The following HPSE2 variants were observed in gnomAD, a reference collection of about 807,000 sequenced individuals.
The protein encoded by HPSE2 is inactive heparanase-2.
Under a neutral mutation model 60.5 loss-of-function variants are expected in HPSE2, and 38 were observed. That is an observed-to-expected ratio of 0.63 (90% confidence interval 0.48 to 0.82). The LOEUF (loss-of-function observed/expected upper bound fraction) is 0.82, where lower values mean the gene tolerates loss of function less well. Among genes scored for constraint, HPSE2 ranks in the 40% least tolerant of loss-of-function variants. The probability of loss-of-function intolerance (pLI) is 0.00; values close to 1 mark genes in which losing one functional copy is unlikely to be tolerated. For synonymous variants in HPSE2, 295 were observed against 293.2 expected, an observed-to-expected ratio of 1.01 and a Z score of -0.06; for missense variants, 713 against 740.4, an observed-to-expected ratio of 0.96 and a Z score of 0.43.
At chr10:98,674,061 G>A (rs1311139928) in intron 6 of HPSE2, among the ~76,000 whole-genome samples, 2 of 152,170 alleles carry the variant, frequency 1.3e-5, no homozygotes, top group South Asian at 2.1e-4. Context: ...GATGCTGTTG[G>A]TCTGGACCAC....
intron 9 of HPSE2, among the ~76,000 whole-genome samples, chr10:98,503,149 T>C (rs1368766812): frequency 1.0e-4 from 15 of 147,878 alleles, no homozygotes; most frequent in Admixed American, 1.4e-4. Flanking sequence ...GAGGTGGAGG[T>C]TGCAGTGAGC....
intron 3 of HPSE2, among the ~76,000 whole-genome samples, chr10:99,059,683 G>A (rs1404911378): frequency 6.6e-6 from 1 of 151,746 alleles, no homozygotes; most frequent in African/African-American, 2.4e-5. Context: ...CATTTTCAAA[G>A]AGAAAAACAG....
intron 3 of HPSE2, among the ~76,000 whole-genome samples, chr10:98,876,216 A>G (rs578090681): frequency 1.3e-5 from 2 of 152,098 alleles, no homozygotes; most frequent in Admixed American, 1.3e-4. Flanking sequence ...ATGTTTAAAC[A>G]AAATTTGAGA....
At chr10:99,192,214 A>T (rs1443492094) in intron 2 of HPSE2, among the ~76,000 whole-genome samples, 1 of 152,198 alleles carries the variant, frequency 6.6e-6, no homozygotes, top group Non-Finnish European at 1.5e-5. Flanking sequence ...AACATCCCAA[A>T]CCTAGAAAAG....
intron 9 of HPSE2, among the ~76,000 whole-genome samples, chr10:98,533,195 A>C (rs1943182604): frequency 6.6e-6 from 1 of 152,228 alleles, no homozygotes; most frequent in Non-Finnish European, 1.5e-5. Flanking sequence ...CAGTGTGGGC[A>C]ACAAAGATTT....
At chr10:98,693,981 C>T (rs758953963) in intron 5 of HPSE2, 34 bp from the exon 6 acceptor site, 22 of 1,465,868 alleles carry the variant, frequency 1.5e-5, no homozygotes, top group Non-Finnish European at 2.1e-5. Context: ...GATATTACAA[C>T]TTAGATTAAA....
At chr10:99,197,305 G>T (rs1293274272) in intron 2 of HPSE2, among the ~76,000 whole-genome samples, 1 of 152,112 alleles carries the variant, frequency 6.6e-6, no homozygotes, top group East Asian at 1.9e-4. Flanking sequence ...CCTACTGTTG[G>T]CTAGCACAAC....
chr10:99,048,170 T>A, intron 3 of HPSE2: 1 of 714,766 alleles, frequency 1.4e-6, no homozygotes, highest in Non-Finnish European at 2.5e-6. Flanking sequence ...GATTGCTTGA[T>A]CTCTCGGTAA....
At chr10:98,696,687 CA>C (rs1948229721) in intron 5 of HPSE2, among the ~76,000 whole-genome samples, 1 of 152,210 alleles carries the variant, frequency 6.6e-6, no homozygotes, top group Non-Finnish European at 1.5e-5. Flanking sequence ...GGGTGACCAG[CA>C]CCACAGCTGT....
intron 9 of HPSE2, among the ~76,000 whole-genome samples, chr10:98,537,835 C>A (rs1943335317): frequency 6.6e-6 from 1 of 152,210 alleles, no homozygotes; most frequent in African/African-American, 2.4e-5. Flanking sequence ...CCCCTCCCTG[C>A]GGTGCTGTGC....
intron 3 of HPSE2, among the ~76,000 whole-genome samples, chr10:98,781,306 T>TTTTTTTTTTA (rs66481971): frequency 2.5e-5 from 3 of 120,106 alleles, no homozygotes; most frequent in African/African-American, 9.5e-5. Context: ...TTTTTTTTTT[T>TTTTTTTTTTA]ATTTTTAAAT....
chr10:99,015,397 A>C (rs1957115496), intron 3 of HPSE2, among the ~76,000 whole-genome samples: 1 of 152,222 alleles, frequency 6.6e-6, no homozygotes, highest in African/African-American at 2.4e-5. Flanking sequence ...TATTCACAAC[A>C]GAAAAGACTT....
At chr10:98,940,652 G>A (rs1463997123) in intron 3 of HPSE2, among the ~76,000 whole-genome samples, 1 of 138,644 alleles carries the variant, frequency 7.2e-6, no homozygotes, top group Non-Finnish European at 1.5e-5. Flanking sequence ...TCTACCAGAG[G>A]TACAAGGAGG....
the HPSE2 span, among the ~76,000 whole-genome samples, chr10:99,267,000 C>T: frequency 2.0e-5 from 3 of 152,124 alleles, no homozygotes; most frequent in Admixed American, 6.5e-5. Flanking sequence ...ATCTGAACAG[C>T]GGCCCTTGAG....
intron 3 of HPSE2, among the ~76,000 whole-genome samples, chr10:98,815,531 G>A (rs1173473827): frequency 6.6e-6 from 1 of 152,216 alleles, no homozygotes; most frequent in East Asian, 1.9e-4. Flanking sequence ...AGCACTTGTA[G>A]TTTGGGAGGA....
intron 2 of HPSE2, among the ~76,000 whole-genome samples, chr10:99,146,064 T>C (rs1161496771): frequency 6.6e-6 from 1 of 152,210 alleles, no homozygotes; most frequent in African/African-American, 2.4e-5. Context: ...GTCTCACAGA[T>C]TTTCTGAGAC....
At chr10:98,467,421 G>T (rs911082868) in intron 11 of HPSE2, among the ~76,000 whole-genome samples, 13 of 152,160 alleles carry the variant, frequency 8.5e-5, no homozygotes, top group African/African-American at 1.4e-4. Context: ...GACATGAAAT[G>T]TGCAGGTCTA....
At chr10:98,882,030 G>A (rs1953037908) in intron 3 of HPSE2, among the ~76,000 whole-genome samples, 1 of 152,000 alleles carries the variant, frequency 6.6e-6, no homozygotes, top group South Asian at 2.1e-4. Flanking sequence ...GTGACCAATG[G>A]TAAGCTAGCA....
chr10:99,160,179 A>T (rs1165729854), intron 2 of HPSE2, among the ~76,000 whole-genome samples: 3 of 152,034 alleles, frequency 2.0e-5, no homozygotes, highest in African/African-American at 7.2e-5. Context: ...CTGAGAAAAT[A>T]TTTTAAAATT....
Sources: gnomAD v4.1 joint callset for allele counts (sites outside exome capture counted in the v4.1 genomes callset) on GRCh38, gnomAD v4.1.1 for gene constraint, MANE v1.5 for transcripts, NCBI Gene and HGNC (gene_info 2026-07-23, HGNC 2026-07-21) for gene names.